GABRA2: variants seen among roughly 807,000 people sequenced by gnomAD.
The protein encoded by GABRA2 is gamma-aminobutyric acid type A receptor subunit alpha2.
GABRA2 carries 16 observed loss-of-function variants against 48.7 expected under a neutral mutation model. The ratio of observed to expected loss-of-function variants is 0.33; its 90% confidence interval spans 0.22 to 0.50. The LOEUF (loss-of-function observed/expected upper bound fraction) is 0.50. Ranked by LOEUF, GABRA2 falls within the 20% of genes least tolerant of loss-of-function variation. The pLI, the probability that GABRA2 is intolerant of heterozygous loss-of-function variation, is 0.98. For synonymous variants in GABRA2, 185 were observed against 184.5 expected, an observed-to-expected ratio of 1.00 and a Z score of -0.02; for missense variants, 275 against 535.6, an observed-to-expected ratio of 0.51 and a Z score of 4.80.
chr4:46,387,232 T>C (rs1717583743), intron 2 of GABRA2, among the ~76,000 whole-genome samples: 1 of 152,150 alleles, frequency 6.6e-6, no homozygotes, highest in Non-Finnish European at 1.5e-5. Flanking sequence ...GAGAGAAGTA[T>C]GGTTAAACAC....
intron 9 of GABRA2, among the ~76,000 whole-genome samples, chr4:46,253,296 T>C (rs997917383): frequency 6.6e-6 from 1 of 151,398 alleles, no homozygotes; most frequent in Non-Finnish European, 1.5e-5. Flanking sequence ...AGGTACAAAG[T>C]CTCTGAAAAA....
intron 8 of GABRA2, among the ~76,000 whole-genome samples, chr4:46,284,878 T>C (rs1319966031): frequency 6.6e-6 from 1 of 151,978 alleles, no homozygotes; most frequent in African/African-American, 2.4e-5. Context: ...ACGTAAAGCT[T>C]TGGACTTAGG....
upstream of GABRA2, chr4:46,390,128 TGGA>T (rs1481737121): frequency 1.2e-4 from 112 of 940,386 alleles, no homozygotes; most frequent in East Asian, 9.7e-4. Context: ...GCCCCGCGCC[TGGA>T]GGAGGAGGAG....
At chr4:46,379,418 G>T (rs191832288) in intron 3 of GABRA2, among the ~76,000 whole-genome samples, 49 of 152,164 alleles carry the variant, frequency 3.2e-4, no homozygotes, top group African/African-American at 8.7e-4. Flanking sequence ...AAATAAATAG[G>T]AAATGACAAA....
Position 46,389,997 on chromosome 4 carries a change from G to A in GABRA2, c.-273C>T, listed in dbSNP as rs1718042464. On this transcript the variant is annotated 5_prime_UTR_variant, in exon 1 of 10. Transcript: ENST00000381620. ...CGTAGTGGCGGTGATGGGCGGAGGAGGAGGAAGAGGAGGAGGAGGAAGAGG... is the reference window on the plus strand; with the variant it reads ...CGTAGTGGCGGTGATGGGCGGAGGAAGAGGAAGAGGAGGAGGAGGAAGAGG... The A allele has an allele frequency of 4.1e-6, 4 of 978,478 alleles. No homozygotes were observed. Among genetic ancestry groups the A allele is most frequent in the South Asian group, 9.2e-5 (2 of 21,812 alleles). The allele number at this position is 978,478 out of a possible 1,614,324, so 60.6% of individuals were successfully genotyped here. A position where few individuals can be genotyped will look rare whatever the true frequency, so the allele number is the denominator to read the frequency against.
intron 8 of GABRA2, among the ~76,000 whole-genome samples, chr4:46,284,837 T>C (rs1722230888): frequency 6.6e-6 from 1 of 152,116 alleles, no homozygotes; most frequent in Admixed American, 6.5e-5. Context: ...AGTAGTATTT[T>C]TTTTATTAAA....
intron 8 of GABRA2, among the ~76,000 whole-genome samples, chr4:46,282,973 A>T (rs1721815584): frequency 6.6e-6 from 1 of 152,184 alleles, no homozygotes; most frequent in African/African-American, 2.4e-5. Flanking sequence ...AACTTGCCAG[A>T]CGCCACATAG....
rs766108065 is a variant in GABRA2, at chr4:46,315,964, C to CACACACAT, written c.256-3249_256-3248insATGTGTGT. The stretch of plus-strand genomic sequence containing the variant: ...ATATACACACACACACACACACACA[C>CACACACAT]ATATATATATAGTGTGTCACATTTT... On this transcript the variant is annotated intron_variant, in intron 4 of 9. Transcript: ENST00000381620. Among the ~76,000 whole-genome samples the CACACACAT allele has an allele frequency of 1.9e-4, 29 of 150,598 alleles. 1 individual carries two copies. In the South Asian group the frequency reaches 2.3e-3, roughly 12 times the overall value.
chr4:46,260,420 T>C (rs11934842), intron 9 of GABRA2, among the ~76,000 whole-genome samples: 1 of 151,902 alleles, frequency 6.6e-6, no homozygotes, highest in Non-Finnish European at 1.5e-5. Context: ...AATTATTTGT[T>C]TTTCACATTT....
chr4:46,335,548 A>G (rs775832356), intron 3 of GABRA2, among the ~76,000 whole-genome samples: 3 of 152,098 alleles, frequency 2.0e-5, no homozygotes, highest in Non-Finnish European at 4.4e-5. Context: ...ATCTCAGCTC[A>G]CCGCAACCTC....
intron 3 of GABRA2, among the ~76,000 whole-genome samples, chr4:46,339,407 G>A (rs1409815718): frequency 6.6e-6 from 1 of 151,636 alleles, no homozygotes; most frequent in Non-Finnish European, 1.5e-5. Context: ...CTGGGGTTTT[G>A]TTTGCTCAGA....
In GABRA2 at chr4:46,305,723, C is replaced by A; in HGVS notation, c.560-12G>T. On this transcript the variant is annotated splice_polypyrimidine_tract_variant and intron_variant, in intron 6 of 9. Coordinates refer to ENST00000381620, the MANE Select transcript of GABRA2 (RefSeq NM_000807.4). Reference sequence around the variant, plus strand: ...AGTTGTATATGCATCTATAGGAAATCAGAAAAAATATTTTAAGCATTTTAG... The same window carrying A: ...AGTTGTATATGCATCTATAGGAAATAAGAAAAAATATTTTAAGCATTTTAG... 3 of 1,588,248 alleles carry A rather than the reference C, an allele frequency of 1.9e-6. No individual in the cohort carries two copies. The highest frequency in any genetic ancestry group is 2.3e-5 in the South Asian group (2 of 88,832).
intron 4 of GABRA2, among the ~76,000 whole-genome samples, chr4:46,331,412 C>G (rs1731336567): frequency 6.6e-6 from 1 of 152,114 alleles, no homozygotes; most frequent in Non-Finnish European, 1.5e-5. Context: ...TTTAGGTTCT[C>G]TAACGGAAAC....
rs201760009 is a variant in GABRA2, at chr4:46,361,640, A to G, written c.187+24434T>C. Among the ~76,000 whole-genome samples the G allele has an allele frequency of 7.9e-5, 12 of 152,312 alleles. No individual in the cohort carries two copies. In the East Asian group the frequency reaches 2.3e-3, roughly 29 times the overall value. ...CTAGTGGAGCCGTGAGAAGAGGGCCACCATCCTCCAGATCCCAGAATGGTA... is the reference window on the plus strand; with the variant it reads ...CTAGTGGAGCCGTGAGAAGAGGGCCGCCATCCTCCAGATCCCAGAATGGTA... On this transcript the variant is annotated intron_variant, in intron 3 of 9. Transcript: ENST00000381620.
intron 8 of GABRA2, among the ~76,000 whole-genome samples, chr4:46,271,407 C>A (rs1480348500): frequency 1.3e-5 from 2 of 152,002 alleles, no homozygotes; most frequent in Admixed American, 1.3e-4. Flanking sequence ...GTAGAATGTG[C>A]ACTCTCAGGT....
At chr4:46,374,859 A>G (rs543703148) in intron 3 of GABRA2, among the ~76,000 whole-genome samples, 34 of 152,104 alleles carry the variant, frequency 2.2e-4, no homozygotes, top group South Asian at 6.2e-4. Context: ...CATCACACAT[A>G]TCCCTGAAAC....
chr4:46,386,736 T>G (rs1344802686), intron 2 of GABRA2: 1 of 153,878 alleles, frequency 6.5e-6, no homozygotes, highest in Non-Finnish European at 1.4e-5. Flanking sequence ...AATGGCCAAG[T>G]GCAATATAAG....
intron 3 of GABRA2, chr4:46,364,576 T>C (rs1049814859): frequency 1.3e-5 from 2 of 152,210 alleles, no homozygotes; most frequent in Non-Finnish European, 2.9e-5. Flanking sequence ...TTTCAGATTG[T>C]TGTCCAAATC....
intron 4 of GABRA2, among the ~76,000 whole-genome samples, chr4:46,320,333 C>T (rs971336811): frequency 2.0e-5 from 3 of 151,858 alleles, no homozygotes; most frequent in Non-Finnish European, 4.4e-5. Context: ...AACTATAAAA[C>T]TCCTAGAAGA....
Sources: gnomAD v4.1 joint callset for allele counts (sites outside exome capture counted in the v4.1 genomes callset) on GRCh38, gnomAD v4.1.1 for gene constraint, MANE v1.5 for transcripts, NCBI Gene and HGNC (gene_info 2026-07-23, HGNC 2026-07-21) for gene names.